The following ARHGEF12 variants were observed in gnomAD, a reference collection of about 807,000 sequenced individuals.
The protein encoded by ARHGEF12 is Rho guanine nucleotide exchange factor 12.
A neutral mutation model predicts 211.2 loss-of-function variants in ARHGEF12; 66 were observed. The observed-to-expected ratio is 0.31, with a 90% confidence interval of 0.26 to 0.38. The LOEUF (loss-of-function observed/expected upper bound fraction) is 0.38, where lower values mean the gene tolerates loss of function less well. ARHGEF12 is among the 10% of genes least tolerant of loss of function. The pLI, the probability that ARHGEF12 is intolerant of heterozygous loss-of-function variation, is 1.00. For synonymous variants in ARHGEF12, 592 were observed against 638.4 expected, an observed-to-expected ratio of 0.93 and a Z score of 1.09; for missense variants, 1,429 against 1,869.5, an observed-to-expected ratio of 0.76 and a Z score of 4.34.
At chr11:120,338,469 A>G (rs1413796615) in intron 1 of ARHGEF12, among the ~76,000 whole-genome samples, 2 of 152,252 alleles carry the variant, frequency 1.3e-5, no homozygotes, top group African/African-American at 4.8e-5. Context: ...ATGTTCACTT[A>G]AAAGAGTCTG....
chr11:120,431,934 C>CT, intron 11 of ARHGEF12, 23 bp downstream of exon 11: 2 of 1,562,248 alleles, frequency 1.3e-6, no homozygotes, highest in African/African-American at 1.4e-5. Context: ...TTTTCTAAAT[C>CT]TTTTTTCTTC....
At chr11:120,391,870 A>G (rs1419233678) in intron 1 of ARHGEF12, among the ~76,000 whole-genome samples, 1 of 152,178 alleles carries the variant, frequency 6.6e-6, no homozygotes, top group African/African-American at 2.4e-5. Context: ...TAATATATCA[A>G]TATTATAAAC....
intron 1 of ARHGEF12, among the ~76,000 whole-genome samples, chr11:120,393,422 G>A (rs1016975627): frequency 2.0e-5 from 3 of 152,046 alleles, no homozygotes; most frequent in African/African-American, 7.2e-5. Context: ...CCAACTGTAT[G>A]CTACAAGAAA....
chr11:120,449,381 C>A (rs151109098), intron 21 of ARHGEF12, 167 bp downstream of exon 21: 5 of 590,510 alleles, frequency 8.5e-6, no homozygotes, highest in African/African-American at 5.6e-5. Flanking sequence ...CTAAGTACCC[C>A]CTATGTTGCT....
chr11:120,416,800 C>T (rs568228357), intron 4 of ARHGEF12, among the ~76,000 whole-genome samples: 3 of 152,028 alleles, frequency 2.0e-5, no homozygotes, highest in African/African-American at 7.2e-5. Context: ...TACAGGCACG[C>T]GCCACCACGC....
intron 39 of ARHGEF12, among the ~76,000 whole-genome samples, chr11:120,483,258 C>CTTTTTTTTTTTTTTT (rs777120176): frequency 1.0e-5 from 1 of 97,504 alleles, no homozygotes; most frequent in Non-Finnish European, 1.9e-5. Flanking sequence ...CCATAATAAT[C>CTTTTTTTTTTTTTTT]TTTTTTTTTT....
intron 2 of ARHGEF12, among the ~76,000 whole-genome samples, chr11:120,406,457 G>A (rs192829620): frequency 2.6e-5 from 4 of 152,266 alleles, no homozygotes; most frequent in African/African-American, 9.6e-5. Flanking sequence ...GGTGAAAATA[G>A]AATGCTAGTT....
chr11:120,477,118 T>G (rs570488649), intron 34 of ARHGEF12, 101 bp from the exon 35 acceptor site: 207 of 738,022 alleles, frequency 2.8e-4, no homozygotes, highest in African/African-American at 2.5e-3. Context: ...GTTGTTGTTG[T>G]TGGTTGATTT....
chr11:120,437,394 A>T lies in ARHGEF12; in HGVS notation c.999+12A>T, dbSNP rs748812152. On this transcript the variant is annotated intron_variant, in intron 12 of 40. Transcript: ENST00000397843. ...CAATTCAGGACACTGTGAGTATGAAATCCATGCAATGATAGTGCTGTCTTT... is the reference window on the plus strand; with the variant it reads ...CAATTCAGGACACTGTGAGTATGAATTCCATGCAATGATAGTGCTGTCTTT... The T allele has an allele frequency of 3.7e-6, 6 of 1,603,832 alleles. No homozygotes were observed. The East Asian group carries it at 1.3e-4, about 36-fold the overall frequency.
chr11:120,480,217 G>C lies in ARHGEF12; in HGVS notation c.4024G>C (p.Gly1342Arg). ...ATCTTTTGCTCCACGGGATTCAGTG[G>C]GACTGGCACCCCAGGATAGCCAGGC... Reference protein sequence around the residue: ...TESFAPRDSVGLAPQDSQASN... With the variant: ...TESFAPRDSVRLAPQDSQASN... The change falls in exon 38 of 41, where the codon GGA becomes CGA. Residue 1342 changes from glycine (G) to arginine (R), a missense_variant. Gly to Arg is a moderately radical substitution (Grantham distance 125, BLOSUM62 -2). Coordinates refer to ENST00000397843, the MANE Select transcript of ARHGEF12 (RefSeq NM_015313.3). 1 of 1,614,162 alleles carries C rather than the reference G, an allele frequency of 6.2e-7. No individual in the cohort carries two copies. The highest frequency in any genetic ancestry group is 8.5e-7 in the Non-Finnish European group (1 of 1,180,020).
chr11:120,406,862 C>G (rs898605254), intron 2 of ARHGEF12, among the ~76,000 whole-genome samples: 2 of 152,106 alleles, frequency 1.3e-5, no homozygotes, highest in African/African-American at 4.8e-5. Flanking sequence ...CCAGCCTAGT[C>G]TTAATTACTT....
At chr11:120,475,623 A>C (rs1189139802) in intron 33 of ARHGEF12, 116 bp downstream of exon 33, 4 of 1,090,860 alleles carry the variant, frequency 3.7e-6, no homozygotes, top group South Asian at 1.9e-5. Context: ...TTATATTCTT[A>C]AGCAAATTAC....
chr11:120,447,138 T>C, intron 18 of ARHGEF12, 53 bp downstream of exon 18: 14 of 1,576,756 alleles, frequency 8.9e-6, no homozygotes, highest in Non-Finnish European at 1.2e-5. Flanking sequence ...ATACTAGTTA[T>C]GCTTGAAGTG....
chr11:120,481,335 C>G lies in ARHGEF12; in HGVS notation c.4313C>G (p.Thr1438Ser), dbSNP rs200465647. The G allele has an allele frequency of 1.2e-5, 19 of 1,614,182 alleles. No homozygotes were observed. The East Asian group carries it at 4.2e-4, about 36-fold the overall frequency. The change falls in exon 39 of 41, where the codon ACC becomes AGC. Residue 1438 changes from threonine (T) to serine (S), a missense_variant. This residue lies in a region of ARHGEF12 where 467 missense variants were observed against 468.4 expected (regional missense o/e 1.00). Coordinates refer to ENST00000397843, the MANE Select transcript of ARHGEF12 (RefSeq NM_015313.3). ...GATGAGGAGGTTGCTTCCTCACTTA[C>G]CCTGCAGCCCATGACAGGCATCCCT... ...STDEEVASSL[T>S]LQPMTGIPAV...
chr11:120,378,683 G>A (rs1286365778), intron 1 of ARHGEF12, among the ~76,000 whole-genome samples: 1 of 152,186 alleles, frequency 6.6e-6, no homozygotes, highest in Non-Finnish European at 1.5e-5. Flanking sequence ...ATTAAAGTTT[G>A]TGCGTGTTTT....
intron 4 of ARHGEF12, among the ~76,000 whole-genome samples, chr11:120,413,252 C>T (rs1387024358): frequency 6.6e-6 from 1 of 152,218 alleles, no homozygotes; most frequent in Non-Finnish European, 1.5e-5. Context: ...CCACCTATAA[C>T]TTAGAATCCT....
chr11:120,444,975 T>C lies in ARHGEF12; in HGVS notation c.1303-447T>C, dbSNP rs12419091. 2.7e-3 allele frequency among the ~76,000 whole-genome samples: 413 copies of C among 152,346 alleles called. 7 individuals carry two copies. The highest frequency in any genetic ancestry group is 0.02 in the Admixed American group (306 of 15,306). ...CATAGGAAAACGATTAGGAATATTATTGGTCTTCAGAATGAGCATCTCAAA... is the reference window on the plus strand; with the variant it reads ...CATAGGAAAACGATTAGGAATATTACTGGTCTTCAGAATGAGCATCTCAAA... On this transcript the variant is annotated intron_variant, in intron 15 of 40. Transcript: ENST00000397843.
At position 120,462,315 on chromosome 11, in the gene ARHGEF12, C is replaced by A. The variant is rs543177737; in HGVS notation, c.2613+1558C>A. On this transcript the variant is annotated intron_variant, in intron 27 of 40. Transcript: ENST00000397843. ...GTTGGTGGGGCGGTCAGAACACACA[C>A]AACATTTTTCCATTAGGTTTGCCAC... Among the ~76,000 whole-genome samples, 225 of 152,246 alleles carry A rather than the reference C, an allele frequency of 1.5e-3. 4 individuals carry two copies. The highest frequency in any genetic ancestry group is 1.5e-3 in the Non-Finnish European group (100 of 68,020).
intron 1 of ARHGEF12, among the ~76,000 whole-genome samples, chr11:120,375,351 G>A (rs762127628): frequency 3.3e-5 from 5 of 152,022 alleles, no homozygotes; most frequent in Non-Finnish European, 5.9e-5. Flanking sequence ...TTTAACATCC[G>A]TGTTAGATCA....
Sources: allele counts gnomAD v4.1 joint callset (sites outside exome capture counted in the v4.1 genomes callset), GRCh38; gene constraint gnomAD v4.1.1; regional missense constraint gnomAD v4.1.1; transcripts MANE v1.5; gene names NCBI Gene and HGNC (gene_info 2026-07-23, HGNC 2026-07-21).